TFPT: variants seen among roughly 807,000 people sequenced by gnomAD.
TFPT encodes the protein TCF3 fusion partner.
TFPT carries 27 observed loss-of-function variants against 28.8 expected under a neutral mutation model. The observed-to-expected ratio is 0.94, with a 90% CI of 0.69 to 1.29. TFPT has a LOEUF of 1.29. Among genes scored for constraint, TFPT ranks in the 50% most tolerant of loss-of-function variants. The pLI is 0.00. For synonymous variants in TFPT, 152 were observed against 142.8 expected (o/e 1.06, Z -0.46); for missense variants, 330 against 338.0 (o/e 0.98, Z 0.19).
chr19:54,114,375 CAG>C (rs2073550063), intron 2 of TFPT, 65 bp downstream of exon 2: 1 of 1,555,794 alleles, frequency 6.4e-7, no homozygotes. Flanking sequence ...TGTGGAAAGG[CAG>C]AGATTGCGGG....
chr19:54,113,129 T>TTC (rs2073502716), intron 2 of TFPT, among the ~76,000 whole-genome samples: 1 of 150,012 alleles, frequency 6.7e-6, no homozygotes, highest in East Asian at 1.9e-4. Flanking sequence ...AAAGTTGAAT[T>TTC]ATTTCCCCCA....
intron 3 of TFPT, 61 bp downstream of exon 3, chr19:54,109,990 G>A: frequency 1.3e-6 from 2 of 1,551,802 alleles, no homozygotes; most frequent in South Asian, 2.2e-5. Flanking sequence ...GAGAGACAGA[G>A]GGGCTGGGAG....
rs977001520 is a variant in TFPT at position 54,108,910 on chromosome 19, T to C, written c.354-515A>G. 4.1e-5 allele frequency: 11 copies of C among 270,242 alleles called. No individual in the cohort carries two copies. The South Asian group carries it at 5.0e-4, about 12-fold the overall frequency. 16.7% of individuals were successfully genotyped at this position (270,242 alleles called of 1,614,324 possible). A position where few individuals can be genotyped will look rare whatever the true frequency, so the allele number is the denominator to read the frequency against. ...ACCTGGGCAGGTTTGTTGTTGTTGTTTTGCGACGGAATCTCACTCTGTCAC... is the reference window on the plus strand; with the variant it reads ...ACCTGGGCAGGTTTGTTGTTGTTGTCTTGCGACGGAATCTCACTCTGTCAC... On this transcript the variant is annotated intron_variant, in intron 3 of 5. Coordinates refer to ENST00000391759, the MANE Select transcript of TFPT (RefSeq NM_013342.4).
Position 54,108,110 on chromosome 19 carries a change from C to T in TFPT, c.558G>A (p.Gly186=), listed in dbSNP as rs2073330230. 2.5e-6 allele frequency: 4 copies of T among 1,573,990 alleles called. No individual in the cohort carries two copies. Among genetic ancestry groups the T allele is most frequent in the Non-Finnish European group, 3.4e-6 (4 of 1,159,718 alleles). Residue 186 remains glycine, a synonymous_variant, in exon 5 of 6, where the codon GGG becomes GGA. Coordinates refer to ENST00000391759, the MANE Select transcript of TFPT (RefSeq NM_013342.4). ...CTCGCCGCCTCTTCCGCCCACTGGG[C>T]CCCTCACCGGGGGCTGGGCTGCCGG... is the stretch of plus-strand genomic sequence containing the variant. The part of the protein sequence containing the change: ...PEPGSPAPGE[G]PSGRKRRRVP...
chr19:54,112,323 T>A (rs1333691027), intron 2 of TFPT, among the ~76,000 whole-genome samples: 1 of 152,060 alleles, frequency 6.6e-6, no homozygotes, highest in Non-Finnish European at 1.5e-5. Context: ...TTAACCTCTC[T>A]GAGCCTTGAT....
chr19:54,108,526 C>G, intron 3 of TFPT, 131 bp from the exon 4 acceptor site: 1 of 1,612,690 alleles, frequency 6.2e-7, no homozygotes, highest in Non-Finnish European at 8.5e-7. Flanking sequence ...GTCCTGAGCT[C>G]TGGCACTGGA....
At chr19:54,112,663 C>T (rs746294540) in intron 2 of TFPT, among the ~76,000 whole-genome samples, 3 of 151,900 alleles carry the variant, frequency 2.0e-5, no homozygotes, top group Non-Finnish European at 4.4e-5. Flanking sequence ...GTGGTGTGTG[C>T]CTGTAGTCCC....
intron 2 of TFPT, among the ~76,000 whole-genome samples, chr19:54,111,840 T>A (rs587668473): frequency 1.8e-3 from 280 of 151,482 alleles, no homozygotes; most frequent in African/African-American, 6.5e-3. Flanking sequence ...ATTAGCCAGG[T>A]GTAGTGGCGC....
In TFPT at chr19:54,114,541, A is replaced by G. The variant is rs201672137; in HGVS notation, c.183T>C (p.Asp61=). The change falls in exon 2 of 6, where the codon GAT becomes GAC. Residue 61 remains aspartate (D), a synonymous_variant. Coordinates refer to ENST00000391759, the MANE Select transcript of TFPT (RefSeq NM_013342.4). ...GLGGSGLRER[D]EEEEAARGRR... is the part of the protein sequence containing the mutation. ...GACCCCGGGCTGCCTCTTCCTCTTC[A>G]TCTCGCTCCCGGAGCCCTGAGCCGC... 1.3e-5 allele frequency: 21 copies of G among 1,613,888 alleles called. No individual in the cohort carries two copies. In the East Asian group the frequency reaches 3.1e-4, roughly 24 times the overall value.
chr19:54,115,165 G>A (rs752051570), intron 1 of TFPT, 82 bp downstream of exon 1: 4 of 1,602,728 alleles, frequency 2.5e-6, no homozygotes, highest in African/African-American at 1.3e-5. Flanking sequence ...AGACCTCAGC[G>A]TAAAAGCTCA....
intron 2 of TFPT, 98 bp from the exon 3 acceptor site, chr19:54,110,219 C>T: frequency 7.6e-7 from 1 of 1,310,858 alleles, no homozygotes; most frequent in Non-Finnish European, 1.1e-6. Context: ...TGGAGACTGG[C>T]CAAAGACCAT....
At position 54,108,575 on chromosome 19, in the gene TFPT, G is replaced by C. The variant is rs893906178; in HGVS notation, c.354-180C>G. On this transcript the variant is annotated intron_variant, in intron 3 of 5. Coordinates refer to ENST00000391759, the MANE Select transcript of TFPT (RefSeq NM_013342.4). Reference sequence around the variant, plus strand: ...TGCCCTTGACCAGCCTTGAGACCTCGAGCAAGACAAGGCAACCATTCTGAG... The same window carrying C: ...TGCCCTTGACCAGCCTTGAGACCTCCAGCAAGACAAGGCAACCATTCTGAG... 7.6e-6 allele frequency: 12 copies of C among 1,585,748 alleles called. No homozygotes were observed. The South Asian group carries it at 1.3e-4, about 17-fold the overall frequency.
rs763923200 is a variant in TFPT, at chr19:54,108,012, C to CCCGCCTTCCTCACCTGCA, written c.638_642+13dup. On this transcript the variant is annotated intron_variant, in intron 5 of 5. Transcript: ENST00000391759. ...GAGCCCCAGTCCCTCCCCTTGAGTTCCCGCCTTCCTCACCTGCACCGGGGC... is the reference window on the plus strand; with the variant it reads ...GAGCCCCAGTCCCTCCCCTTGAGTTCCCGCCTTCCTCACCTGCACCGCCTTCCTCACCTGCACCGGGGC... 4.6e-6 allele frequency: 7 copies of CCCGCCTTCCTCACCTGCA among 1,515,384 alleles called. No homozygotes were observed. The African/African-American group carries it at 5.6e-5, about 12-fold the overall frequency. 93.9% of individuals were successfully genotyped at this position (1,515,384 alleles called of 1,614,324 possible).
At chr19:54,113,996 T>A (rs1164532296) in intron 2 of TFPT, among the ~76,000 whole-genome samples, 1 of 152,194 alleles carries the variant, frequency 6.6e-6, no homozygotes, top group Non-Finnish European at 1.5e-5. Flanking sequence ...CAGCCCATCC[T>A]TATTCTCAGC....
chr19:54,109,062 T>G (rs1296589422), intron 3 of TFPT: 1 of 160,678 alleles, frequency 6.2e-6, no homozygotes, highest in Non-Finnish European at 1.4e-5. Context: ...ACCCGGCTAA[T>G]TTTTTTGTAT....
chr19:54,110,668 C>T (rs587725300), intron 2 of TFPT, among the ~76,000 whole-genome samples: 1 of 152,166 alleles, frequency 6.6e-6, no homozygotes, highest in Admixed American at 6.5e-5. Context: ...CCCCACTGCA[C>T]TCCAGCCTGG....
Position 54,110,129 on chromosome 19 carries a change from G to T in TFPT, c.283-8C>A. 1 of 1,614,104 alleles carries T rather than the reference G, an allele frequency of 6.2e-7. No homozygotes were observed. The highest frequency in any genetic ancestry group is 8.5e-7 in the Non-Finnish European group (1 of 1,180,002). On this transcript the variant is annotated splice_polypyrimidine_tract_variant and splice_region_variant and intron_variant, in intron 2 of 5. Transcript: ENST00000391759. ...CAGGACCCGCTCGTTCACCTATGGG[G>T]TGGGAAACGCCCATCAGCTGGATCC... is the stretch of plus-strand genomic sequence containing the variant.
chr19:54,108,433 C>T, intron 3 of TFPT, 38 bp from the exon 4 acceptor site: 1 of 1,614,056 alleles, frequency 6.2e-7, no homozygotes, highest in Non-Finnish European at 8.5e-7. Flanking sequence ...AATAACTTAT[C>T]TCCTAGCGGC....
Position 54,115,453 on chromosome 19 carries a change from A to G in TFPT, c.-184T>C. The G allele has an allele frequency of 1.4e-6, 1 of 719,748 alleles. No homozygotes were observed. The highest frequency in any genetic ancestry group is 1.8e-5 in the African/African-American group (1 of 56,386). The allele number at this position is 719,748 out of a possible 1,614,324, so 44.6% of individuals were successfully genotyped here. On this transcript the variant is annotated 5_prime_UTR_variant, in exon 1 of 6. Transcript: ENST00000391759. ...TTCGCTTCGGCCCACCCCCACGTCC[A>G]CCCCGAATCCCTGCTTAAAGGCCTT...
Sources: allele counts gnomAD v4.1 joint callset (sites outside exome capture counted in the v4.1 genomes callset), GRCh38; gene constraint gnomAD v4.1.1; transcripts MANE v1.5; gene names NCBI Gene and HGNC (gene_info 2026-07-23, HGNC 2026-07-21).